Variants in ZNF143 observed in about 807,000 individuals in gnomAD.
The protein encoded by ZNF143 is zinc finger protein 143.
Under a neutral mutation model 74.1 loss-of-function variants are expected in ZNF143, and 49 were observed. That is an observed-to-expected ratio of 0.66 (90% CI 0.53 to 0.84). The LOEUF is 0.84. Ranked by LOEUF, ZNF143 falls within the 40% of genes least tolerant of loss-of-function variation. The pLI, the probability that ZNF143 is intolerant of heterozygous loss-of-function variation, is 0.00. For synonymous variants in ZNF143, 304 were observed against 282.8 expected, an observed-to-expected ratio of 1.07 and a Z score of -0.75; for missense variants, 637 against 793.4, an observed-to-expected ratio of 0.80 and a Z score of 2.37.
intron 14 of ZNF143, among the ~76,000 whole-genome samples, chr11:9,522,631 T>G (rs1033946664): frequency 2.0e-5 from 3 of 151,434 alleles, no homozygotes; most frequent in African/African-American, 7.3e-5. Context: ...GTAGCTGGGA[T>G]TACAAGCACC....
At chr11:9,512,214 G>T (rs1848575424) in intron 12 of ZNF143, among the ~76,000 whole-genome samples, 1 of 152,114 alleles carries the variant, frequency 6.6e-6, no homozygotes, top group African/African-American at 2.4e-5. Context: ...CTGAAAATCA[G>T]AACACTTAAA....
intron 7 of ZNF143, among the ~76,000 whole-genome samples, chr11:9,491,170 A>G (rs114532390): frequency 0.017 from 2,530 of 152,266 alleles, 66 homozygotes; most frequent in African/African-American, 0.057. Flanking sequence ...GGATTCCTTG[A>G]ACCCAAGAAC....
At chr11:9,490,878 A>G (rs1022979276) in intron 7 of ZNF143, among the ~76,000 whole-genome samples, 3 of 152,070 alleles carry the variant, frequency 2.0e-5, no homozygotes, top group Non-Finnish European at 4.4e-5. Flanking sequence ...GACCACAAGT[A>G]CATACCACCA....
In ZNF143 at chr11:9,479,430, T is replaced by C. The variant is rs116700480; in HGVS notation, c.571-42T>C. 1.7e-4 allele frequency: 270 copies of C among 1,553,552 alleles called. 2 individuals are homozygous for C. The African/African-American group carries it at 3.1e-3, about 18-fold the overall frequency. On this transcript the variant is annotated intron_variant, in intron 6 of 15. Transcript: ENST00000396602. The stretch of plus-strand genomic sequence containing the variant: ...TGTACTTAACCAGCCTAAACCATTA[T>C]CAAAATGTAAAACATTTTAAAGCTT...
At chr11:9,527,197 C>T (rs1849161362) in intron 15 of ZNF143, among the ~76,000 whole-genome samples, 2 of 152,186 alleles carry the variant, frequency 1.3e-5, no homozygotes, top group African/African-American at 2.4e-5. Context: ...GTCTCGAACT[C>T]CTGGGCTCAA....
chr11:9,493,525 T>A (rs1292335397), intron 7 of ZNF143, among the ~76,000 whole-genome samples: 1 of 152,190 alleles, frequency 6.6e-6, no homozygotes. Flanking sequence ...TGTTTTTTAG[T>A]TGATTTATAT....
At chr11:9,496,949 G>A (rs192083968) in intron 9 of ZNF143, among the ~76,000 whole-genome samples, 2 of 152,244 alleles carry the variant, frequency 1.3e-5, no homozygotes, top group African/African-American at 4.8e-5. Context: ...TTATTTTAGC[G>A]GGAAAATAAA....
intron 7 of ZNF143, among the ~76,000 whole-genome samples, chr11:9,484,419 T>C (rs919749591): frequency 1.3e-5 from 2 of 150,958 alleles, no homozygotes; most frequent in African/African-American, 4.9e-5. Flanking sequence ...TTCACCTTGT[T>C]GGCCAGGCTG....
chr11:9,470,396 G>C (rs1488535137), intron 1 of ZNF143, among the ~76,000 whole-genome samples: 1 of 152,148 alleles, frequency 6.6e-6, no homozygotes, highest in Non-Finnish European at 1.5e-5. Flanking sequence ...AAACATGGAG[G>C]GGAAAAGAAG....
rs544996161 is a variant in ZNF143, at chr11:9,518,166, A to G, written c.1686+1804A>G. Among the ~76,000 whole-genome samples, 6 of 152,378 alleles carry G rather than the reference A, an allele frequency of 3.9e-5. No individual in the cohort carries two copies. The South Asian group carries it at 1.2e-3, about 32-fold the overall frequency. The stretch of plus-strand genomic sequence containing the variant: ...AAAAGATTCATAACTCAAAAAGTGC[A>G]CATCTTTTATCATCAAAGAAATGCA... On this transcript the variant is annotated intron_variant, in intron 14 of 15. Transcript: ENST00000396602.
chr11:9,492,830 A>G (rs1847830826), intron 7 of ZNF143, among the ~76,000 whole-genome samples: 1 of 152,158 alleles, frequency 6.6e-6, no homozygotes, highest in Admixed American at 6.6e-5. Context: ...AAAAGGAAAC[A>G]TAAATGTCTT....
intron 1 of ZNF143, among the ~76,000 whole-genome samples, chr11:9,461,364 G>GGACC (rs1226619834): frequency 6.6e-6 from 1 of 152,216 alleles, no homozygotes; most frequent in Non-Finnish European, 1.5e-5. Context: ...TTCCCTCAGG[G>GGACC]GACCGCCAAG....
intron 7 of ZNF143, among the ~76,000 whole-genome samples, chr11:9,491,618 A>G (rs1216113109): frequency 2.6e-5 from 4 of 151,728 alleles, no homozygotes; most frequent in African/African-American, 7.3e-5. Flanking sequence ...AGCCTGGGGA[A>G]CAGAGTGAGA....
At chr11:9,512,644 G>C in intron 13 of ZNF143, 48 bp downstream of exon 13, 1 of 1,605,796 alleles carries the variant, frequency 6.2e-7, no homozygotes, top group South Asian at 1.1e-5. Flanking sequence ...CTGTGAACCT[G>C]GGCTTGAAAG....
chr11:9,500,952 C>A (rs1473227750), intron 10 of ZNF143, 139 bp from the exon 11 acceptor site: 13 of 1,001,104 alleles, frequency 1.3e-5, no homozygotes, highest in Admixed American at 2.8e-5. Context: ...CCAACCCCCC[C>A]AAAAAAATGC....
At chr11:9,523,332 T>C (rs1849004751) in intron 14 of ZNF143, among the ~76,000 whole-genome samples, 1 of 152,210 alleles carries the variant, frequency 6.6e-6, no homozygotes, top group Non-Finnish European at 1.5e-5. Context: ...CGTCTCTCTT[T>C]GGTGAGTTGC....
At chr11:9,467,610 A>G (rs895692602) in intron 1 of ZNF143, among the ~76,000 whole-genome samples, 16 of 152,016 alleles carry the variant, frequency 1.1e-4, no homozygotes, top group African/African-American at 3.9e-4. Flanking sequence ...CACTTTGGGA[A>G]GCTGAGGCGG....
Position 9,528,141 on chromosome 11 carries a change from G to C in ZNF143, c.*528G>C, listed in dbSNP as rs1463162226. 2.0e-5 allele frequency: 3 copies of C among 152,544 alleles called. No individual in the cohort carries two copies. Among genetic ancestry groups the C allele is most frequent in the Non-Finnish European group, 4.4e-5 (3 of 68,028 alleles). 9.4% of individuals were successfully genotyped at this position (152,544 alleles called of 1,614,324 possible). A position where few individuals can be genotyped will look rare whatever the true frequency, so the allele number is the denominator to read the frequency against. On this transcript the variant is annotated 3_prime_UTR_variant, in exon 16 of 16. Coordinates refer to ENST00000396602, the MANE Select transcript of ZNF143 (RefSeq NM_003442.6). ...ATTTGTATCTCATGGTTTGCAGACT[G>C]TTTGAATAATTTATAGTTTCCCATC...
At chr11:9,461,102 C>T in intron 1 of ZNF143, 26 bp downstream of exon 1, 1 of 985,376 alleles carries the variant, frequency 1.0e-6, no homozygotes, top group Non-Finnish European at 1.2e-6. Context: ...TGTTTTTACC[C>T]AGTGTGCATT....
Sources: allele counts gnomAD v4.1 joint callset (sites outside exome capture counted in the v4.1 genomes callset), GRCh38; gene constraint gnomAD v4.1.1; transcripts MANE v1.5; gene names NCBI Gene and HGNC (gene_info 2026-07-23, HGNC 2026-07-21).